Variants in GDF5 observed in about 807,000 individuals in gnomAD.
The protein encoded by GDF5 is growth differentiation factor 5, also known as growth/differentiation factor 5.
In GDF5, 17 loss-of-function variants were observed where a neutral mutation model predicts 34.6. That is an observed-to-expected ratio of 0.49 (90% CI 0.34 to 0.74). The LOEUF (loss-of-function observed/expected upper bound fraction) is 0.74. GDF5 is among the 30% of genes least tolerant of loss of function. The pLI is 0.01. For synonymous variants in GDF5, 332 were observed against 290.7 expected (o/e 1.14, Z -1.44); for missense variants, 616 against 661.2 (o/e 0.93, Z 0.75).
At position 35,433,841 on chromosome 20, in the gene GDF5, TGTGATTCCA is replaced by T; in HGVS notation, c.*59_*67del. The T allele has an allele frequency of 1.5e-6, 2 of 1,320,618 alleles. No individual in the cohort carries two copies. The highest frequency in any genetic ancestry group is 2.4e-5 in the South Asian group (2 of 84,664). The allele number at this position is 1,320,618 out of a possible 1,614,324, so 81.8% of individuals were successfully genotyped here. A position where few individuals can be genotyped will look rare whatever the true frequency, so the allele number is the denominator to read the frequency against. On this transcript the variant is annotated 3_prime_UTR_variant, in exon 2 of 2. Coordinates refer to ENST00000374369, the MANE Select transcript of GDF5 (RefSeq NM_000557.5). ...TCCTGCCACAGCTTCCTGACCCCTC[TGTGATTCCA>T]GGAGTGCAGGAAGGGGCTCTTGGGA...
Position 35,437,366 on chromosome 20 carries a change from C to A in GDF5, c.563G>T (p.Gly188Val), listed in dbSNP as rs1369318583. 1.9e-6 allele frequency: 3 copies of A among 1,612,840 alleles called. No homozygotes were observed. The highest frequency in any genetic ancestry group is 2.5e-6 in the Non-Finnish European group (3 of 1,179,066). Reference sequence around the variant, plus strand: ...AGCCTCCAACTTCACGCTGCTGTTGCCTCCCTTTCTGTCAGCATCGGACAG... The same window carrying A: ...AGCCTCCAACTTCACGCTGCTGTTGACTCCCTTTCTGTCAGCATCGGACAG... Reference protein sequence around the residue: ...RTLSDADRKGGNSSVKLEAGL... With the variant: ...RTLSDADRKGVNSSVKLEAGL... Residue 188 changes from glycine to valine, a missense_variant, in exon 1 of 2, where the codon GGC becomes GTC. Transcript: ENST00000374369.
Position 35,437,184 on chromosome 20 carries a change from G to A in GDF5, c.631+114C>T, listed in dbSNP as rs143461621. ...GTCAGTGTCCCCAGACACCCACCCC[G>A]GGCCAGATGCACACAGTGTCTCCCA... is the stretch of plus-strand genomic sequence containing the variant. On this transcript the variant is annotated intron_variant, in intron 1 of 1. Transcript: ENST00000374369. 3,477 of 776,520 alleles carry A rather than the reference G, an allele frequency of 4.5e-3. 14 individuals carry two copies. Among genetic ancestry groups the A allele is most frequent in the African/African-American group, 5.4e-3 (317 of 58,328 alleles). 48.1% of individuals were successfully genotyped at this position (776,520 alleles called of 1,614,324 possible). A position where few individuals can be genotyped will look rare whatever the true frequency, so the allele number is the denominator to read the frequency against.
chr20:35,444,004 G>T (rs906444126), intron 1 of GDF5, among the ~76,000 whole-genome samples: 1 of 152,112 alleles, frequency 6.6e-6, no homozygotes, highest in African/African-American at 2.4e-5. Context: ...GAGAACAGGC[G>T]CTGGGACCAG....
intron 1 of GDF5, among the ~76,000 whole-genome samples, chr20:35,443,240 G>A (rs1057265888): frequency 6.6e-6 from 1 of 152,154 alleles, no homozygotes; most frequent in Non-Finnish European, 1.5e-5. Flanking sequence ...ACCAGATGCT[G>A]CCGCTGGCAG....
chr20:35,452,094 A>T (rs2062535685), intron 1 of GDF5, among the ~76,000 whole-genome samples: 1 of 152,182 alleles, frequency 6.6e-6, no homozygotes, highest in East Asian at 1.9e-4. Flanking sequence ...TTACACACTC[A>T]TGAGAATCTA....
upstream of GDF5, among the ~76,000 whole-genome samples, chr20:35,438,690 G>C (rs1200650812): frequency 2.6e-5 from 4 of 152,162 alleles, no homozygotes; most frequent in Non-Finnish European, 5.9e-5. Flanking sequence ...CTTTCCCGAG[G>C]AGAGATGCTG....
Position 35,437,635 on chromosome 20 carries a change from G to A in GDF5, c.294C>T (p.Pro98=), listed in dbSNP as rs2062479288. 2 of 1,613,990 alleles carry A rather than the reference G, an allele frequency of 1.2e-6. No individual in the cohort carries two copies. Among genetic ancestry groups the A allele is most frequent in the Admixed American group, 1.7e-5 (1 of 60,004 alleles). Residue 98 remains proline, a synonymous_variant, in exon 1 of 2, where the codon CCC becomes CCT. Coordinates refer to ENST00000374369, the MANE Select transcript of GDF5 (RefSeq NM_000557.5). ...QPKKDEPKKL[P]PRPGGPEPKP... Reference sequence around the variant, plus strand: ...TGGGTTCAGGGCCGCCCGGTCTGGGGGGCAGCTTTTTGGGTTCATCCTTCT... The same window carrying A: ...TGGGTTCAGGGCCGCCCGGTCTGGGAGGCAGCTTTTTGGGTTCATCCTTCT...
chr20:35,446,034 G>T (rs2062513032), intron 1 of GDF5, among the ~76,000 whole-genome samples: 1 of 147,042 alleles, frequency 6.8e-6, no homozygotes, highest in Non-Finnish European at 1.5e-5. Context: ...TAAGCCAGGT[G>T]TGGTGGCTCA....
At chr20:35,448,409 A>AT (rs1180207343) in intron 1 of GDF5, among the ~76,000 whole-genome samples, 2,662 of 138,038 alleles carry the variant, frequency 0.019, 36 homozygotes, top group Non-Finnish European at 0.032. Context: ...AAAAAAAAAA[A>AT]AAAAATATAT....
chr20:35,450,129 C>G (rs899760751), intron 1 of GDF5, among the ~76,000 whole-genome samples: 1 of 151,132 alleles, frequency 6.6e-6, no homozygotes, highest in African/African-American at 2.4e-5. Context: ...ATGGTGAAAC[C>G]CCATCTCTAC....
chr20:35,437,818 C>A lies in GDF5; in HGVS notation c.111G>T (p.Gly37=). The A allele has an allele frequency of 6.2e-7, 1 of 1,613,682 alleles. No individual in the cohort carries two copies. The highest frequency in any genetic ancestry group is 8.5e-7 in the Non-Finnish European group (1 of 1,179,804). ...GAPDLGQRPQ[G]TRPGLAKAEA... is the part of the protein sequence containing the mutation. ...CTGCTTTGGCCAATCCTGGCCTGGT[C>A]CCCTGGGGTCTCTGGCCCAAGTCAG... The change falls in exon 1 of 2, where the codon GGG becomes GGT. Residue 37 remains glycine, a synonymous_variant. Transcript: ENST00000374369.
rs1383630530 is a variant in GDF5, at chr20:35,433,553, T to A, written c.*356A>T. The A allele has an allele frequency of 2.8e-6, 1 of 362,064 alleles. No homozygotes were observed. Among genetic ancestry groups the A allele is most frequent in the African/African-American group, 2.1e-5 (1 of 47,136 alleles). The allele number at this position is 362,064 out of a possible 1,614,324, so 22.4% of individuals were successfully genotyped here. A position where few individuals can be genotyped will look rare whatever the true frequency, so the allele number is the denominator to read the frequency against. On this transcript the variant is annotated 3_prime_UTR_variant, in exon 2 of 2. Coordinates refer to ENST00000374369, the MANE Select transcript of GDF5 (RefSeq NM_000557.5). ...TGGCACCTGTGGCTCTCCTGAGAGG[T>A]GCTTAGGAGAGTCCAGAGGCTGAGA... is the stretch of plus-strand genomic sequence containing the variant.
chr20:35,442,466 G>T (rs1387670529), upstream of GDF5, among the ~76,000 whole-genome samples: 1 of 151,818 alleles, frequency 6.6e-6, no homozygotes, highest in Non-Finnish European at 1.5e-5. Flanking sequence ...TATGTGGCTT[G>T]GCCTCCCCTA....
chr20:35,439,220 C>T (rs2062489170), upstream of GDF5, among the ~76,000 whole-genome samples: 1 of 150,544 alleles, frequency 6.6e-6, no homozygotes, highest in Admixed American at 6.6e-5. Flanking sequence ...CTGGAAAAGC[C>T]ATTTCCCACA....
rs775859274 is a variant in GDF5, at chr20:35,437,607, G to A, written c.322C>T (p.Pro108Ser). ...TGCCTTGTTTGGGGAGGGTGTCCTGGCTTGGGTTCAGGGCCGCCCGGTCTG... is the reference window on the plus strand; with the variant it reads ...TGCCTTGTTTGGGGAGGGTGTCCTGACTTGGGTTCAGGGCCGCCCGGTCTG... ...PPRPGGPEPK[P>S]GHPPQTRQAT... The change falls in exon 1 of 2, where the codon CCA becomes TCA. Residue 108 changes from proline to serine, a missense_variant. Pro to Ser is a moderately conservative substitution (Grantham distance 74, BLOSUM62 -1). Transcript: ENST00000374369. 3.7e-6 allele frequency: 6 copies of A among 1,613,986 alleles called. No homozygotes were observed. The highest frequency in any genetic ancestry group is 5.1e-6 in the Non-Finnish European group (6 of 1,180,016).
chr20:35,442,798 G>A (rs34298551), upstream of GDF5, among the ~76,000 whole-genome samples: 30,039 of 151,752 alleles, frequency 0.2, 3,036 homozygotes, highest in Middle Eastern at 0.31. Flanking sequence ...TGCCCACCTC[G>A]GCCTCCCAAA....
upstream of GDF5, among the ~76,000 whole-genome samples, chr20:35,438,420 C>A (rs1395243411): frequency 6.7e-6 from 1 of 149,950 alleles, no homozygotes; most frequent in Admixed American, 6.7e-5. Context: ...TCAGAAAAAT[C>A]TTTTACAAAC....
At chr20:35,445,436 G>A (rs757911071) in intron 1 of GDF5, among the ~76,000 whole-genome samples, 3 of 152,104 alleles carry the variant, frequency 2.0e-5, no homozygotes, top group South Asian at 2.1e-4. Context: ...AGGCAGAGGC[G>A]GGGCAGATAA....
At chr20:35,451,074 T>TAA (rs2062531207) in intron 1 of GDF5, among the ~76,000 whole-genome samples, 649 of 41,808 alleles carry the variant, frequency 0.016, 30 homozygotes, top group African/African-American at 0.1. Flanking sequence ...AATATATATA[T>TAA]ATATATATAT....
Sources: gnomAD v4.1 joint callset for allele counts (sites outside exome capture counted in the v4.1 genomes callset) on GRCh38, gnomAD v4.1.1 for gene constraint, MANE v1.5 for transcripts, NCBI Gene and HGNC (gene_info 2026-07-23, HGNC 2026-07-21) for gene names.